The following MBTPS1 variants were observed in gnomAD, a reference collection of about 807,000 sequenced individuals.
MBTPS1 encodes membrane bound transcription factor peptidase, site 1.
Under a neutral mutation model 127.8 loss-of-function variants are expected in MBTPS1, and 94 were observed. That is an observed-to-expected ratio of 0.74 (90% CI 0.62 to 0.87). MBTPS1 has a LOEUF of 0.87. Ranked by LOEUF, MBTPS1 falls within the 40% of genes least tolerant of loss-of-function variation. The probability of loss-of-function intolerance (pLI) is 0.00; values close to 1 mark genes in which losing one functional copy is unlikely to be tolerated. For synonymous variants in MBTPS1, 632 were observed against 509.4 expected (o/e 1.24, Z -3.24); for missense variants, 1,636 against 1,353.2 (o/e 1.21, Z -3.28).
At position 84,099,065 on chromosome 16, in the gene MBTPS1, T is replaced by C; in HGVS notation, c.409A>G (p.Lys137Glu). Reference protein sequence around the residue: ...TPQRKVFRSLKYAESDPTVPC... With the variant: ...TPQRKVFRSLEYAESDPTVPC... ...TCACAATACTCACATTCAGCATACT[T>C]GAGGGAACGAAAGACTTTTCGTTGG... The change falls in exon 3 of 23, where the codon AAG becomes GAG. Residue 137 changes from lysine (K) to glutamate (E), a missense_variant. Transcript: ENST00000343411. The C allele has an allele frequency of 6.2e-7, 1 of 1,614,084 alleles. No homozygotes were observed.
chr16:84,064,207 G>A (rs1322448441), intron 18 of MBTPS1, among the ~76,000 whole-genome samples: 3 of 151,646 alleles, frequency 2.0e-5, no homozygotes, highest in Non-Finnish European at 2.9e-5. Flanking sequence ...AGTATTGTCC[G>A]TGTTGATAAC....
chr16:84,054,772 A>C, intron 22 of MBTPS1, 127 bp from the exon 23 acceptor site: 3 of 678,428 alleles, frequency 4.4e-6, no homozygotes, highest in Non-Finnish European at 7.0e-6. Flanking sequence ...CTTGCAGGGC[A>C]TACATCATTT....
chr16:84,079,897 A>G (rs1019208542), intron 11 of MBTPS1, among the ~76,000 whole-genome samples: 1 of 152,198 alleles, frequency 6.6e-6, no homozygotes, highest in African/African-American at 2.4e-5. Context: ...CGAAGAGCGC[A>G]GTAACCACTG....
At chr16:84,062,684 T>C (rs760435649) in intron 19 of MBTPS1, among the ~76,000 whole-genome samples, 1 of 152,092 alleles carries the variant, frequency 6.6e-6, no homozygotes, top group Non-Finnish European at 1.5e-5. Flanking sequence ...TTCTCCCCTT[T>C]ACAAAATGAG....
chr16:84,112,219 A>C lies in MBTPS1; in HGVS notation c.-325+4516T>G, dbSNP rs376050930. Among the ~76,000 whole-genome samples, 137 of 152,222 alleles carry C rather than the reference A, an allele frequency of 9.0e-4. 4 individuals carry two copies. The South Asian group carries it at 0.026, about 29-fold the overall frequency. ...TCTCAAATGGAAACAATGACAACAA[A>C]AAAAACCACTGAAAGACACATACCA... On this transcript the variant is annotated intron_variant, in intron 1 of 22. Transcript: ENST00000343411.
chr16:84,087,473 C>CAAAAAAAAA lies in MBTPS1; in HGVS notation c.1032-22_1032-14dup. The CAAAAAAAAA allele has an allele frequency of 1.2e-5, 12 of 1,036,160 alleles. No individual in the cohort carries two copies. Among genetic ancestry groups the CAAAAAAAAA allele is most frequent in the East Asian group, 1.0e-4 (4 of 39,304 alleles). 64.2% of individuals were successfully genotyped at this position (1,036,160 alleles called of 1,614,324 possible). A position where few individuals can be genotyped will look rare whatever the true frequency, so the allele number is the denominator to read the frequency against. ...GTTATTCAGAGTGCTATATTGAGAC[C>CAAAAAAAAA]AAAAAAAAAAAAAAAGAAAAGAAAA... On this transcript the variant is annotated splice_polypyrimidine_tract_variant and intron_variant, in intron 8 of 22. Transcript: ENST00000343411.
chr16:84,111,425 T>C (rs2086394883), intron 1 of MBTPS1, among the ~76,000 whole-genome samples: 1 of 151,658 alleles, frequency 6.6e-6, no homozygotes, highest in African/African-American at 2.4e-5. Flanking sequence ...CCTGTAATCC[T>C]AGCTACCCGG....
chr16:84,109,491 A>G (rs1332820513), intron 1 of MBTPS1: 1 of 152,216 alleles, frequency 6.6e-6, no homozygotes, highest in Admixed American at 6.5e-5. Context: ...CAAGGGAAGC[A>G]GTAATGGGAC....
At chr16:84,108,090 A>G (rs1237938220) in intron 1 of MBTPS1, among the ~76,000 whole-genome samples, 1 of 152,014 alleles carries the variant, frequency 6.6e-6, no homozygotes, top group Admixed American at 6.6e-5. Context: ...TCCAGGGTCT[A>G]ATACATCTAT....
chr16:84,110,057 T>C (rs572508296), intron 1 of MBTPS1, among the ~76,000 whole-genome samples: 2 of 152,320 alleles, frequency 1.3e-5, no homozygotes, highest in South Asian at 4.1e-4. Flanking sequence ...GTTCTTTATT[T>C]ACCCTCACCT....
intron 1 of MBTPS1, among the ~76,000 whole-genome samples, chr16:84,111,879 A>T (rs1378207356): frequency 6.7e-6 from 1 of 150,158 alleles, no homozygotes; most frequent in Admixed American, 6.7e-5. Context: ...TTACATTTCA[A>T]TTTTAAAATG....
chr16:84,091,692 G>T (rs752649303), intron 7 of MBTPS1, 40 bp downstream of exon 7: 2 of 1,386,474 alleles, frequency 1.4e-6, no homozygotes, highest in Non-Finnish European at 2.1e-6. Flanking sequence ...GAAAGAGCAG[G>T]AGCTGTCACC....
At chr16:84,102,868 G>C (rs2086276260) in intron 1 of MBTPS1, among the ~76,000 whole-genome samples, 2 of 151,996 alleles carry the variant, frequency 1.3e-5, no homozygotes, top group Admixed American at 1.3e-4. Flanking sequence ...AGCATAAAAG[G>C]GTTTACTGTC....
At chr16:84,055,162 A>G (rs1442539689) in intron 22 of MBTPS1, among the ~76,000 whole-genome samples, 1 of 152,154 alleles carries the variant, frequency 6.6e-6, no homozygotes, top group Non-Finnish European at 1.5e-5. Flanking sequence ...CCATCAGAGG[A>G]CCCTGGTTCA....
chr16:84,106,900 C>T (rs1375209995), intron 1 of MBTPS1, among the ~76,000 whole-genome samples: 1 of 152,178 alleles, frequency 6.6e-6, no homozygotes, highest in Non-Finnish European at 1.5e-5. Context: ...TGTGGGGGCA[C>T]ACAAGTGAGG....
At chr16:84,089,052 CGT>C (rs1436288839) in intron 8 of MBTPS1, among the ~76,000 whole-genome samples, 1 of 152,246 alleles carries the variant, frequency 6.6e-6, no homozygotes, top group East Asian at 1.9e-4. Flanking sequence ...CGGCAGCCAG[CGT>C]GTGACAAAAC....
intron 11 of MBTPS1, among the ~76,000 whole-genome samples, chr16:84,077,249 A>AGAGAC (rs57906119): frequency 7.2e-6 from 1 of 138,784 alleles, no homozygotes; most frequent in Non-Finnish European, 1.5e-5. Context: ...AAAAAAAAAA[A>AGAGAC]AGAGAGAGAG....
chr16:84,066,427 T>C (rs1389665760), intron 17 of MBTPS1, 62 bp downstream of exon 17: 1 of 1,558,280 alleles, frequency 6.4e-7, no homozygotes, highest in African/African-American at 1.4e-5. Context: ...AATCTAGACT[T>C]CAGAGGTGTA....
At chr16:84,087,051 A>C (rs2875857) in intron 9 of MBTPS1, among the ~76,000 whole-genome samples, 65,596 of 151,864 alleles carry the variant, frequency 0.43, 14,497 homozygotes, top group East Asian at 0.71. Context: ...ACGGGCAGGA[A>C]CCCAATTCAC....
Sources: gnomAD v4.1 joint callset for allele counts (sites outside exome capture counted in the v4.1 genomes callset) on GRCh38, gnomAD v4.1.1 for gene constraint, MANE v1.5 for transcripts, NCBI Gene and HGNC (gene_info 2026-07-23, HGNC 2026-07-21) for gene names.